Variants in UST observed in about 807,000 individuals in gnomAD.
The protein encoded by UST is uronyl 2-sulfotransferase.
A neutral mutation model predicts 45.6 loss-of-function variants in UST; 21 were observed. The ratio of observed to expected loss-of-function variants is 0.46; its 90% confidence interval spans 0.33 to 0.66. UST has a LOEUF of 0.66. UST is among the 30% of genes least tolerant of loss of function. The pLI is 0.02. For missense variants in UST, 463 were observed against 512.4 expected (o/e 0.90, Z 0.93); for synonymous variants, 215 against 200.6 (o/e 1.07, Z -0.61).
intron 1 of UST, among the ~76,000 whole-genome samples, chr6:148,754,247 C>T (rs528466580): frequency 2.6e-5 from 4 of 152,230 alleles, no homozygotes; most frequent in African/African-American, 4.8e-5. Context: ...TCGCCCGCCT[C>T]GGCCTCCCAA....
chr6:148,919,416 CCG>C lies in UST; in HGVS notation c.292-21862_292-21861del, dbSNP rs1491096999. Reference sequence around the variant, plus strand: ...CTCCATAGTGTGCTCAGTGTCAGAGCCGTGTGTGTGTGTGTGTGTGTGTGTGT... The same window carrying C: ...CTCCATAGTGTGCTCAGTGTCAGAGCTGTGTGTGTGTGTGTGTGTGTGTGT... On this transcript the variant is annotated intron_variant, in intron 2 of 7. Transcript: ENST00000367463. Among the ~76,000 whole-genome samples the C allele has an allele frequency of 1.4e-4, 16 of 113,072 alleles. No individual in the cohort carries two copies. In the East Asian group the frequency reaches 5.0e-3, roughly 35 times the overall value. The allele number at this position is 113,072 out of a possible 152,430, so 74.2% of individuals were successfully genotyped here. A position where few individuals can be genotyped will look rare whatever the true frequency, so the allele number is the denominator to read the frequency against.
At chr6:148,780,785 T>G (rs931106081) in intron 1 of UST, among the ~76,000 whole-genome samples, 1 of 152,232 alleles carries the variant, frequency 6.6e-6, no homozygotes, top group African/African-American at 2.4e-5. Context: ...CTGTATCATA[T>G]TTTGGTAATT....
intron 1 of UST, among the ~76,000 whole-genome samples, chr6:148,862,382 T>C (rs1429222776): frequency 1.3e-5 from 2 of 152,248 alleles, no homozygotes; most frequent in Non-Finnish European, 2.9e-5. Flanking sequence ...ATTTTGAGCC[T>C]ATGTGTGTCT....
intron 2 of UST, among the ~76,000 whole-genome samples, chr6:148,940,849 T>C (rs1257232914): frequency 6.6e-6 from 1 of 152,224 alleles, no homozygotes; most frequent in Non-Finnish European, 1.5e-5. Context: ...AAATCCATCA[T>C]CCATTTACAA....
chr6:148,973,208 A>T (rs775494997), intron 5 of UST, among the ~76,000 whole-genome samples: 3 of 152,202 alleles, frequency 2.0e-5, no homozygotes, highest in Non-Finnish European at 4.4e-5. Flanking sequence ...CTTAAGTCAG[A>T]CTTTCTTCTA....
At chr6:148,929,796 T>C (rs1779887738) in intron 2 of UST, among the ~76,000 whole-genome samples, 1 of 152,204 alleles carries the variant, frequency 6.6e-6, no homozygotes, top group Non-Finnish European at 1.5e-5. Flanking sequence ...GCAACTCAGT[T>C]GTCCTGCTGT....
intron 7 of UST, among the ~76,000 whole-genome samples, chr6:149,064,795 A>G (rs1023611493): frequency 5.3e-5 from 8 of 152,132 alleles, no homozygotes; most frequent in South Asian, 2.1e-4. Flanking sequence ...GGGCAGTCAC[A>G]CTTGGCTCCA....
intron 5 of UST, among the ~76,000 whole-genome samples, chr6:148,981,859 T>C (rs1359902369): frequency 6.6e-6 from 1 of 152,178 alleles, no homozygotes; most frequent in Non-Finnish European, 1.5e-5. Context: ...AATGGATGTG[T>C]CTTTATCTGT....
intron 2 of UST, among the ~76,000 whole-genome samples, chr6:148,932,908 G>A (rs1044267788): frequency 3.3e-5 from 5 of 152,140 alleles, no homozygotes; most frequent in African/African-American, 9.7e-5. Flanking sequence ...TGTAGCCCTC[G>A]GTTAACATAT....
intron 7 of UST, among the ~76,000 whole-genome samples, chr6:149,060,206 A>G (rs1404243676): frequency 3.3e-5 from 5 of 152,260 alleles, no homozygotes. Context: ...TTAATTATTT[A>G]TATTTCCAGA....
chr6:148,959,280 T>C (rs1220788491), intron 4 of UST, among the ~76,000 whole-genome samples: 1 of 152,206 alleles, frequency 6.6e-6, no homozygotes, highest in Non-Finnish European at 1.5e-5. Flanking sequence ...GGTTTTCACA[T>C]CTTATTTGTA....
intron 1 of UST, among the ~76,000 whole-genome samples, chr6:148,785,813 A>G (rs1347492547): frequency 3.9e-5 from 6 of 152,160 alleles, no homozygotes; most frequent in African/African-American, 1.2e-4. Context: ...GATACCCCAA[A>G]CCATGTATGT....
chr6:148,916,214 T>C (rs1366333179), intron 2 of UST, among the ~76,000 whole-genome samples: 1 of 152,206 alleles, frequency 6.6e-6, no homozygotes, highest in Non-Finnish European at 1.5e-5. Context: ...AATATTGGCG[T>C]TATTACTAGC....
chr6:149,047,691 A>C (rs1432171631), intron 7 of UST, among the ~76,000 whole-genome samples: 1 of 152,230 alleles, frequency 6.6e-6, no homozygotes, highest in East Asian at 1.9e-4. Context: ...AAGAAATGCA[A>C]ACCAAGAGGA....
chr6:148,989,775 C>G (rs1296201360), intron 5 of UST, among the ~76,000 whole-genome samples: 1 of 152,236 alleles, frequency 6.6e-6, no homozygotes, highest in Non-Finnish European at 1.5e-5. Flanking sequence ...TCTCACCTAA[C>G]ACTGTCTCAT....
At chr6:149,001,036 A>C (rs1781539839) in intron 5 of UST, among the ~76,000 whole-genome samples, 1 of 151,892 alleles carries the variant, frequency 6.6e-6, no homozygotes, top group Non-Finnish European at 1.5e-5. Context: ...ATTTGAAGCA[A>C]TTAAAGGACA....
intron 5 of UST, among the ~76,000 whole-genome samples, chr6:149,017,208 T>C (rs1426487278): frequency 6.6e-6 from 1 of 152,058 alleles, no homozygotes; most frequent in Non-Finnish European, 1.5e-5. Context: ...AAACCCCATC[T>C]CTACTAAAAA....
intron 2 of UST, among the ~76,000 whole-genome samples, chr6:148,892,450 A>G (rs1197675374): frequency 2.0e-5 from 3 of 152,246 alleles, no homozygotes; most frequent in African/African-American, 7.2e-5. Flanking sequence ...GGGTAATACA[A>G]TAAGAAAGAT....
intron 7 of UST, among the ~76,000 whole-genome samples, chr6:149,033,708 A>G (rs1776189790): frequency 6.6e-6 from 1 of 152,148 alleles, no homozygotes; most frequent in Non-Finnish European, 1.5e-5. Flanking sequence ...TTACCATAGC[A>G]TACGCTTCTA....
Sources: gnomAD v4.1 joint callset for allele counts (sites outside exome capture counted in the v4.1 genomes callset) on GRCh38, gnomAD v4.1.1 for gene constraint, MANE v1.5 for transcripts, NCBI Gene and HGNC (gene_info 2026-07-23, HGNC 2026-07-21) for gene names.